Variants in CCDC60 observed in about 807,000 individuals in gnomAD.
CCDC60 encodes coiled-coil domain-containing protein 60.
Under a neutral mutation model 63.5 loss-of-function variants are expected in CCDC60, and 54 were observed. The ratio of observed to expected loss-of-function variants is 0.85; its 90% confidence interval spans 0.68 to 1.07. CCDC60 has a LOEUF of 1.07. CCDC60 is among the 50% of genes least tolerant of loss of function. CCDC60 has a pLI of 0.00. For missense variants in CCDC60, 651 were observed against 684.3 expected (o/e 0.95, Z 0.54); for synonymous variants, 206 against 238.8 (o/e 0.86, Z 1.27).
Position 119,335,074 on chromosome 12 carries a change from G to A in CCDC60, c.-103G>A, listed in dbSNP as rs1955456428. On this transcript the variant is annotated 5_prime_UTR_variant, in exon 1 of 14. Transcript: ENST00000327554. ...CGTGTAATTGGGACTTGGGGATCAG[G>A]GAGAAGTTGCCGAAACTTCTCATAC... 3.5e-6 allele frequency: 3 copies of A among 861,846 alleles called. No individual in the cohort carries two copies. The highest frequency in any genetic ancestry group is 1.7e-5 in the South Asian group (1 of 57,730). 53.4% of individuals were successfully genotyped at this position (861,846 alleles called of 1,614,324 possible).
intron 2 of CCDC60, among the ~76,000 whole-genome samples, chr12:119,467,018 T>G (rs1403731640): frequency 6.6e-6 from 1 of 152,178 alleles, no homozygotes; most frequent in Non-Finnish European, 1.5e-5. Flanking sequence ...AGTTACCACC[T>G]TTTCCCTAGA....
chr12:119,458,438 T>C (rs531984118), intron 2 of CCDC60, among the ~76,000 whole-genome samples: 46 of 150,028 alleles, frequency 3.1e-4, no homozygotes, highest in African/African-American at 1.2e-3. Context: ...TTTATTTTTA[T>C]TTTTTTTTAA....
At chr12:119,427,461 T>C (rs981466945) in intron 1 of CCDC60, among the ~76,000 whole-genome samples, 6 of 152,142 alleles carry the variant, frequency 3.9e-5, no homozygotes, top group Non-Finnish European at 8.8e-5. Flanking sequence ...ATTTAACCTG[T>C]CTTCTATTGT....
intron 2 of CCDC60, among the ~76,000 whole-genome samples, chr12:119,451,079 CT>C (rs1285687980): frequency 6.6e-6 from 1 of 152,098 alleles, no homozygotes; most frequent in Non-Finnish European, 1.5e-5. Flanking sequence ...GAATTGAAAA[CT>C]TTTGTTACTC....
rs73217278 is a variant in CCDC60 at position 119,427,766 on chromosome 12, A to G, written c.91-917A>G. On this transcript the variant is annotated intron_variant, in intron 1 of 13. Transcript: ENST00000327554. ...CTAAGGTGCAGGAAAATTTCAAGAC[A>G]AGATAATCTAGGTAATATTCTGATT... Among the ~76,000 whole-genome samples, 849 of 152,320 alleles carry G rather than the reference A, an allele frequency of 5.6e-3. 6 individuals are homozygous for G. The highest frequency in any genetic ancestry group is 0.024 in the South Asian group (115 of 4,826).
chr12:119,367,104 A>G (rs777420887), intron 1 of CCDC60, among the ~76,000 whole-genome samples: 10 of 152,186 alleles, frequency 6.6e-5, no homozygotes, highest in Non-Finnish European at 1.2e-4. Context: ...AAGTGCTGGG[A>G]TTACAGGCGT....
At chr12:119,489,178 C>A (rs1204480303) in intron 5 of CCDC60, among the ~76,000 whole-genome samples, 1 of 152,212 alleles carries the variant, frequency 6.6e-6, no homozygotes, top group African/African-American at 2.4e-5. Flanking sequence ...GCTATGGAAG[C>A]ACATCACTGG....
In CCDC60 at chr12:119,416,294, G is replaced by A. The variant is rs186675706; in HGVS notation, c.91-12389G>A. ...CTCAGGAGGCTGAGGCAGGAGAATT[G>A]CTTGAACCCAGGAGGCAGAGGTTAC... is the stretch of plus-strand genomic sequence containing the variant. On this transcript the variant is annotated intron_variant, in intron 1 of 13. Transcript: ENST00000327554. Among the ~76,000 whole-genome samples the A allele has an allele frequency of 2.6e-5, 4 of 152,090 alleles. No individual in the cohort carries two copies. In the East Asian group the frequency reaches 7.8e-4, roughly 29 times the overall value.
chr12:119,335,691 G>T (rs1176101390), intron 1 of CCDC60, among the ~76,000 whole-genome samples: 1 of 152,010 alleles, frequency 6.6e-6, no homozygotes, highest in East Asian at 1.9e-4. Flanking sequence ...TGTAGATTCT[G>T]GATATTAGCT....
intron 1 of CCDC60, among the ~76,000 whole-genome samples, chr12:119,389,471 T>C (rs976555887): frequency 4.6e-5 from 7 of 152,034 alleles, no homozygotes; most frequent in Admixed American, 2.6e-4. Context: ...TCTATATTAT[T>C]CCCCTGTGGT....
Position 119,481,019 on chromosome 12 carries a change from TCAC to T in CCDC60, c.449+1824_449+1826del, listed in dbSNP as rs555043577. On this transcript the variant is annotated intron_variant, in intron 4 of 13. Coordinates refer to ENST00000327554, the MANE Select transcript of CCDC60 (RefSeq NM_178499.5). The stretch of plus-strand genomic sequence containing the variant: ...AGCATCATCATCATCACCATCGTCC[TCAC>T]CACCATCATCATCATCACCATCATC... 6.9e-4 allele frequency among the ~76,000 whole-genome samples: 104 copies of T among 150,224 alleles called. No homozygotes were observed. In the East Asian group the frequency reaches 9.5e-3, roughly 14 times the overall value.
chr12:119,409,377 A>G (rs1956552101), intron 1 of CCDC60, among the ~76,000 whole-genome samples: 3 of 152,026 alleles, frequency 2.0e-5, no homozygotes, highest in Admixed American at 1.3e-4. Flanking sequence ...TACTTACTAG[A>G]TGCACCACCC....
At chr12:119,421,408 G>T (rs1956810240) in intron 1 of CCDC60, among the ~76,000 whole-genome samples, 1 of 152,226 alleles carries the variant, frequency 6.6e-6, no homozygotes. Flanking sequence ...AAAGTGGGAT[G>T]GGGGTGCAGA....
At chr12:119,521,560 G>A (rs1362317993) in intron 9 of CCDC60, among the ~76,000 whole-genome samples, 3 of 152,174 alleles carry the variant, frequency 2.0e-5, no homozygotes, top group Non-Finnish European at 2.9e-5. Context: ...GGGGAATAGT[G>A]TGTGCAAAGG....
rs369924049 is a variant in CCDC60 at position 119,393,577 on chromosome 12, A to C, written c.91-35106A>C. 3.9e-5 allele frequency among the ~76,000 whole-genome samples: 6 copies of C among 152,354 alleles called. No homozygotes were observed. In the South Asian group the frequency reaches 6.2e-4, roughly 16 times the overall value. Reference sequence around the variant, plus strand: ...TTTTTAAAATGTAGCTGCAGTAAACAACTTTTGAAATGTACATGGAATAAA... The same window carrying C: ...TTTTTAAAATGTAGCTGCAGTAAACCACTTTTGAAATGTACATGGAATAAA... On this transcript the variant is annotated intron_variant, in intron 1 of 13. Coordinates refer to ENST00000327554, the MANE Select transcript of CCDC60 (RefSeq NM_178499.5).
chr12:119,472,278 A>G, intron 3 of CCDC60, 114 bp downstream of exon 3: 8 of 950,870 alleles, frequency 8.4e-6, no homozygotes, highest in Non-Finnish European at 1.3e-5. Context: ...GCCCCTTCTC[A>G]GCCTGGCATC....
chr12:119,516,761 T>A (rs1233718072), intron 8 of CCDC60, 54 bp downstream of exon 8: 1 of 1,243,002 alleles, frequency 8.0e-7, no homozygotes, highest in East Asian at 2.3e-5. Context: ...AGCAATCACA[T>A]TAACAGTAGT....
chr12:119,408,173 AATC>A (rs1268024259), intron 1 of CCDC60, among the ~76,000 whole-genome samples: 2 of 152,150 alleles, frequency 1.3e-5, no homozygotes, highest in East Asian at 3.8e-4. Context: ...ATGTAACCCA[AATC>A]ATCAACTGTT....
Position 119,540,717 on chromosome 12 carries a change from C to T in CCDC60, c.*2C>T. On this transcript the variant is annotated 3_prime_UTR_variant, in exon 14 of 14. Transcript: ENST00000327554. ...GGGCCCTACAGCGCCCTGAGGTAGG[C>T]TGGGCCTGGGTTGACCAGCTGTCTC... The T allele has an allele frequency of 6.2e-7, 1 of 1,607,540 alleles. No homozygotes were observed. Among genetic ancestry groups the T allele is most frequent in the East Asian group, 2.2e-5 (1 of 44,846 alleles).
Sources: allele counts gnomAD v4.1 joint callset (sites outside exome capture counted in the v4.1 genomes callset), GRCh38; gene constraint gnomAD v4.1.1; transcripts MANE v1.5; gene names NCBI Gene and HGNC (gene_info 2026-07-23, HGNC 2026-07-21).